Variants in RASL11B observed in about 807,000 individuals in gnomAD.
RASL11B encodes RAS like family 11 member B.
Under a neutral mutation model 22.9 loss-of-function variants are expected in RASL11B, and 14 were observed. The ratio of observed to expected loss-of-function variants is 0.61; its 90% CI spans 0.40 to 0.96. The LOEUF (loss-of-function observed/expected upper bound fraction) is 0.96. Ranked by LOEUF, RASL11B falls within the 40% of genes least tolerant of loss-of-function variation. RASL11B has a pLI of 0.00. For missense variants in RASL11B, 261 were observed against 322.0 expected (o/e 0.81, Z 1.45); for synonymous variants, 143 against 130.2 (o/e 1.10, Z -0.67).
intron 2 of RASL11B, 70 bp downstream of exon 2, chr4:52,863,394 T>G: frequency 3.4e-5 from 43 of 1,268,060 alleles, no homozygotes; most frequent in Non-Finnish European, 4.7e-5. Context: ...TTCCAGCGCT[T>G]CCCAGGGAGG....
At chr4:52,863,392 C>T in intron 2 of RASL11B, 68 bp downstream of exon 2, 1 of 1,344,956 alleles carries the variant, frequency 7.4e-7, no homozygotes, top group South Asian at 1.2e-5. Context: ...TTTTCCAGCG[C>T]TTCCCAGGGA....
At chr4:52,863,673 T>A in intron 2 of RASL11B, 2 of 228,370 alleles carry the variant, frequency 8.8e-6, no homozygotes, top group Non-Finnish European at 1.7e-5. Flanking sequence ...AGTCCCTAGC[T>A]CCTTCCCCCA....
rs1313603507 is a variant in RASL11B at position 52,864,868 on chromosome 4, T to G, written c.276+314T>G. 2.0e-5 allele frequency among the ~76,000 whole-genome samples: 3 copies of G among 152,188 alleles called. No homozygotes were observed. The South Asian group carries it at 6.2e-4, about 31-fold the overall frequency. Reference sequence around the variant, plus strand: ...AGTCCAGTTTTAATATGTGTGTCTTTGGCATGAAAAACCAAGCTTCTGGGT... The same window carrying G: ...AGTCCAGTTTTAATATGTGTGTCTTGGGCATGAAAAACCAAGCTTCTGGGT... On this transcript the variant is annotated intron_variant, in intron 3 of 3. Transcript: ENST00000248706.
chr4:52,865,601 G>A lies in RASL11B; in HGVS notation c.543G>A (p.Val181=), dbSNP rs1201609045. The change falls in exon 4 of 4, where the codon GTG becomes GTA. Residue 181 remains valine, a synonymous_variant. Coordinates refer to ENST00000248706, the MANE Select transcript of RASL11B (RefSeq NM_023940.3). ...TGCTAGGCTGCTCATTCTATGAAGT[G>A]TCTGTCAGTGAAAATTATAATGATG... is the stretch of plus-strand genomic sequence containing the variant. ...ASMLGCSFYE[V]SVSENYNDVY... The A allele has an allele frequency of 6.2e-7, 1 of 1,614,182 alleles. No homozygotes were observed.
In RASL11B at chr4:52,862,554, C is replaced by G. The variant is rs1718178883; in HGVS notation, c.47C>G (p.Pro16Arg). 1 of 1,605,408 alleles carries G rather than the reference C, an allele frequency of 6.2e-7. No homozygotes were observed. Among genetic ancestry groups the G allele is most frequent in the Non-Finnish European group, 8.5e-7 (1 of 1,177,352 alleles). Reference sequence around the variant, plus strand: ...TGCACCATCGCCGAGTACCCCGCGCCGGGCAACGCCGCGGCCTCCGACTGC... The same window carrying G: ...TGCACCATCGCCGAGTACCCCGCGCGGGGCAACGCCGCGGCCTCCGACTGC... ...NMCTIAEYPA[P>R]GNAAASDCCV... Residue 16 changes from proline (P) to arginine (R), a missense_variant, in exon 1 of 4, where the codon CCG (proline) becomes CGG (arginine). Physicochemically the swap from Pro to Arg is moderately radical, Grantham distance 103. Coordinates refer to ENST00000248706, the MANE Select transcript of RASL11B (RefSeq NM_023940.3).
At chr4:52,862,752 T>C in intron 1 of RASL11B, 103 bp downstream of exon 1, 4 of 1,322,390 alleles carry the variant, frequency 3.0e-6, no homozygotes, top group Non-Finnish European at 4.0e-6. Context: ...GCCCGACCGC[T>C]CTCCGTCCCC....
At position 52,866,364 on chromosome 4, in the gene RASL11B, A is replaced by C. The variant is rs1258138631; in HGVS notation, c.*559A>C. ...ACCCAGATTTCTTTCTTTATGTACAAGATGGAAAATCCCCTACCCCTCAAA... is the reference window on the plus strand; with the variant it reads ...ACCCAGATTTCTTTCTTTATGTACACGATGGAAAATCCCCTACCCCTCAAA... On this transcript the variant is annotated 3_prime_UTR_variant, in exon 4 of 4. Coordinates refer to ENST00000248706, the MANE Select transcript of RASL11B (RefSeq NM_023940.3). 6.5e-6 allele frequency: 1 copy of C among 153,792 alleles called. No homozygotes were observed. Among genetic ancestry groups the C allele is most frequent in the Non-Finnish European group, 1.4e-5 (1 of 69,252 alleles). 9.5% of individuals were successfully genotyped at this position (153,792 alleles called of 1,614,324 possible). A position where few individuals can be genotyped will look rare whatever the true frequency, so the allele number is the denominator to read the frequency against.
rs763310439 is a variant in RASL11B at position 52,863,327 on chromosome 4, G to A, written c.199+3G>A. On this transcript the variant is annotated splice_donor_region_variant and intron_variant, in intron 2 of 3. Transcript: ENST00000248706. ...CGGTGACTATGAAAGAAATGCAGGTGAGACAATGCATTTGAGAAAAATTCT... is the reference window on the plus strand; with the variant it reads ...CGGTGACTATGAAAGAAATGCAGGTAAGACAATGCATTTGAGAAAAATTCT... The A allele has an allele frequency of 1.2e-6, 2 of 1,611,902 alleles. No homozygotes were observed.
intron 2 of RASL11B, 41 bp downstream of exon 2, chr4:52,863,365 G>T: frequency 1.3e-6 from 2 of 1,524,366 alleles, no homozygotes; most frequent in East Asian, 2.3e-5. Flanking sequence ...CCCATTGCAG[G>T]AGGACTGCGG....
intron 2 of RASL11B, chr4:52,863,557 C>G: frequency 3.5e-6 from 2 of 565,564 alleles, no homozygotes; most frequent in Middle Eastern, 4.7e-4. Context: ...AAAGTATTCC[C>G]CTTGGTATGT....
intron 1 of RASL11B, 43 bp downstream of exon 1, chr4:52,862,692 C>T (rs953835437): frequency 1.3e-6 from 2 of 1,495,954 alleles, no homozygotes; most frequent in African/African-American, 2.9e-5. Flanking sequence ...TTGGACGACC[C>T]CTGACGGGAG....
intron 1 of RASL11B, 91 bp from the exon 2 acceptor site, chr4:52,863,177 T>C: frequency 8.7e-7 from 1 of 1,151,272 alleles, no homozygotes; most frequent in South Asian, 1.3e-5. Context: ...ATGGCTTTCT[T>C]TGGGAGAACT....
Position 52,863,287 on chromosome 4 carries a change from C to T in RASL11B, c.162C>T (p.Leu54=). 1.2e-6 allele frequency: 2 copies of T among 1,613,874 alleles called. No homozygotes were observed. Among genetic ancestry groups the T allele is most frequent in the Non-Finnish European group, 1.7e-6 (2 of 1,179,894 alleles). ...GTGCAGCACTGGTGGTCCGGTTCCT[C>T]ACCAAACGATTCATCGGTGACTATG... is the stretch of plus-strand genomic sequence containing the variant. ...VGKTALVVRF[L]TKRFIGDYER... Residue 54 remains leucine, a synonymous_variant, in exon 2 of 4, where the codon CTC becomes CTT. Transcript: ENST00000248706.
chr4:52,862,537 C>T lies in RASL11B; in HGVS notation c.30C>T (p.Ile10=). The T allele has an allele frequency of 6.2e-7, 1 of 1,606,718 alleles. No individual in the cohort carries two copies. The highest frequency in any genetic ancestry group is 8.5e-7 in the Non-Finnish European group (1 of 1,177,598). Residue 10 remains isoleucine, a synonymous_variant, in exon 1 of 4, where the codon ATC becomes ATT. Transcript: ENST00000248706. ...GCCTCATTCAGAACATGTGCACCAT[C>T]GCCGAGTACCCCGCGCCGGGCAACG... MRLIQNMCT[I]AEYPAPGNAA...
At position 52,865,748 on chromosome 4, in the gene RASL11B, G is replaced by C; in HGVS notation, c.690G>C (p.Leu230=). The change falls in exon 4 of 4, where the codon CTG becomes CTC. Residue 230 remains leucine, a synonymous_variant. Coordinates refer to ENST00000248706, the MANE Select transcript of RASL11B (RefSeq NM_023940.3). ...CCAAGTCACCCAACATGCAGGACCT[G>C]AAGAGGAGGTTTAAGCAAGCCCTCT... ...PRPKSPNMQD[L]KRRFKQALSA... is the part of the protein sequence containing the mutation. 1 of 1,614,004 alleles carries C rather than the reference G, an allele frequency of 6.2e-7. No homozygotes were observed.
At position 52,862,648 on chromosome 4, in the gene RASL11B, C is replaced by G; in HGVS notation, c.141C>G (p.Thr47=). Reference sequence around the variant, plus strand: ...TGGGCGCCAGCGGCGTGGGCAAGACCGGTGAGTCGTCGCGCTTAGCCCTGG... The same window carrying G: ...TGGGCGCCAGCGGCGTGGGCAAGACGGGTGAGTCGTCGCGCTTAGCCCTGG... ...AVVGASGVGK[T]ALVVRFLTKR... The change falls in exon 1 of 4, where the codon ACC becomes ACG. Residue 47 remains threonine, a splice_region_variant and synonymous_variant. Transcript: ENST00000248706. 3.2e-6 allele frequency: 5 copies of G among 1,565,936 alleles called. No homozygotes were observed. Among genetic ancestry groups the G allele is most frequent in the South Asian group, 1.2e-5 (1 of 85,204 alleles).
chr4:52,864,725 G>A (rs1718226721), intron 3 of RASL11B, among the ~76,000 whole-genome samples, 171 bp downstream of exon 3: 1 of 152,150 alleles, frequency 6.6e-6, no homozygotes, highest in African/African-American at 2.4e-5. Context: ...ATCTTAGCAT[G>A]GTTTAGTTTG....
chr4:52,865,320 A>T lies in RASL11B; in HGVS notation c.277-15A>T, dbSNP rs1307534525. 4 of 1,588,248 alleles carry T rather than the reference A, an allele frequency of 2.5e-6. No individual in the cohort carries two copies. Among genetic ancestry groups the T allele is most frequent in the Admixed American group, 3.4e-5 (2 of 58,896 alleles). Reference sequence around the variant, plus strand: ...ACTGGCCAGCATTCACCTTGCCATCACTCCTCTCTTTCAGGTCCATGAGAA... The same window carrying T: ...ACTGGCCAGCATTCACCTTGCCATCTCTCCTCTCTTTCAGGTCCATGAGAA... On this transcript the variant is annotated splice_polypyrimidine_tract_variant and intron_variant, in intron 3 of 3. Coordinates refer to ENST00000248706, the MANE Select transcript of RASL11B (RefSeq NM_023940.3).
At chr4:52,864,683 C>G (rs1433079803) in intron 3 of RASL11B, 129 bp downstream of exon 3, 5 of 720,144 alleles carry the variant, frequency 6.9e-6, no homozygotes, top group African/African-American at 1.8e-5. Context: ...TTTTACATGT[C>G]TGACAATTCA....
Sources: gnomAD v4.1 joint callset for allele counts (sites outside exome capture counted in the v4.1 genomes callset) on GRCh38, gnomAD v4.1.1 for gene constraint, MANE v1.5 for transcripts, NCBI Gene and HGNC (gene_info 2026-07-23, HGNC 2026-07-21) for gene names.